The following PHACTR1 variants were observed in gnomAD, a reference collection of about 807,000 sequenced individuals.
The protein encoded by PHACTR1 is RPEL repeat containing 1.
PHACTR1 carries 16 observed loss-of-function variants against 69.2 expected under a neutral mutation model. That is an observed-to-expected ratio of 0.23 (90% CI 0.16 to 0.35). The LOEUF (loss-of-function observed/expected upper bound fraction) is 0.35, where lower values mean the gene tolerates loss of function less well. Ranked by LOEUF, PHACTR1 falls within the 10% of genes least tolerant of loss-of-function variation. PHACTR1 has a pLI of 1.00. For synonymous variants in PHACTR1, 312 were observed against 284.5 expected (o/e 1.10, Z -0.97); for missense variants, 510 against 734.7 (o/e 0.69, Z 3.54).
At chr6:13,022,759 T>C (rs912314701) in intron 4 of PHACTR1, among the ~76,000 whole-genome samples, 6 of 152,058 alleles carry the variant, frequency 3.9e-5, no homozygotes, top group Non-Finnish European at 8.8e-5. Context: ...GGCTCACACC[T>C]GTAATCCAGC....
Position 13,183,769 on chromosome 6 carries a change from A to G in PHACTR1, c.664+1083A>G, listed in dbSNP as rs529483050. ...TGAAAGCAGTGCTTTTTTAAAAAGA[A>G]TCCAGACTTCCTTGTGACACTGAAG... On this transcript the variant is annotated intron_variant, in intron 7 of 14. Transcript: ENST00000332995. Among the ~76,000 whole-genome samples the G allele has an allele frequency of 1.6e-4, 25 of 152,264 alleles. 1 individual carries two copies. In the South Asian group the frequency reaches 3.5e-3, roughly 21 times the overall value.
chr6:13,083,862 T>C (rs1811821168), intron 5 of PHACTR1, among the ~76,000 whole-genome samples: 3 of 152,126 alleles, frequency 2.0e-5, no homozygotes, highest in Admixed American at 1.3e-4. Context: ...TGATGGGGTT[T>C]TCTAAATATA....
intron 14 of PHACTR1, 124 bp downstream of exon 14, chr6:13,286,346 G>C: frequency 3.9e-6 from 3 of 764,286 alleles, no homozygotes; most frequent in South Asian, 4.2e-5. Flanking sequence ...GAAGATAGTA[G>C]GAAGGCAGGC....
rs534579486 is a variant in PHACTR1, at chr6:13,113,582, A to G, written c.416-46622A>G. 2.0e-5 allele frequency among the ~76,000 whole-genome samples: 3 copies of G among 152,344 alleles called. No homozygotes were observed. In the South Asian group the frequency reaches 6.2e-4, roughly 32 times the overall value. On this transcript the variant is annotated intron_variant, in intron 5 of 14. Transcript: ENST00000332995. Reference sequence around the variant, plus strand: ...TCATGATTAACAACCAATGCAGCAGAAGTAGTAAGGGAGATCCCTTATCTT... The same window carrying G: ...TCATGATTAACAACCAATGCAGCAGGAGTAGTAAGGGAGATCCCTTATCTT...
chr6:13,115,814 C>T (rs1013678639), intron 5 of PHACTR1, among the ~76,000 whole-genome samples: 29 of 152,120 alleles, frequency 1.9e-4, no homozygotes, highest in Non-Finnish European at 1.8e-4. Context: ...AACTGTCCAC[C>T]GCAGCTCCAG....
At chr6:12,756,942 G>A (rs1334418392) in intron 4 of PHACTR1, among the ~76,000 whole-genome samples, 3 of 152,180 alleles carry the variant, frequency 2.0e-5, no homozygotes, top group South Asian at 4.2e-4. Flanking sequence ...CGTTTTTTAG[G>A]CACTTGAGAT....
chr6:13,180,462 A>G (rs1368380670), intron 6 of PHACTR1, among the ~76,000 whole-genome samples: 1 of 152,194 alleles, frequency 6.6e-6, no homozygotes, highest in East Asian at 1.9e-4. Flanking sequence ...GAGAGAGTCT[A>G]GAGTCATCCA....
intron 4 of PHACTR1, among the ~76,000 whole-genome samples, chr6:13,030,816 C>G (rs574068022): frequency 6.6e-6 from 1 of 152,316 alleles, no homozygotes; most frequent in Admixed American, 6.5e-5. Context: ...GCAGAACTCA[C>G]TCAACTAGGT....
chr6:13,208,627 G>GC (rs138524215), intron 8 of PHACTR1, among the ~76,000 whole-genome samples: 7,286 of 140,766 alleles, frequency 0.052, 169 homozygotes, highest in Non-Finnish European at 0.071. Flanking sequence ...CGTCATTGCT[G>GC]CCCACCCCCC....
chr6:12,771,472 G>C (rs1342947371), intron 4 of PHACTR1, among the ~76,000 whole-genome samples: 1 of 152,110 alleles, frequency 6.6e-6, no homozygotes, highest in Non-Finnish European at 1.5e-5. Flanking sequence ...ACATGGATTG[G>C]GAACTCAGGA....
chr6:13,286,041 T>C (rs1311753661), intron 13 of PHACTR1, 105 bp from the exon 14 acceptor site: 1 of 903,990 alleles, frequency 1.1e-6, no homozygotes, highest in Non-Finnish European at 1.6e-6. Flanking sequence ...TTAAACTTGT[T>C]TGTCTTTGTT....
intron 5 of PHACTR1, among the ~76,000 whole-genome samples, chr6:13,124,061 A>T (rs1408320301): frequency 6.6e-6 from 1 of 152,212 alleles, no homozygotes; most frequent in Non-Finnish European, 1.5e-5. Context: ...CCCACTATCC[A>T]AAAGGCTGAG....
chr6:13,186,672 A>G (rs1156558093), intron 7 of PHACTR1, among the ~76,000 whole-genome samples: 1 of 152,224 alleles, frequency 6.6e-6, no homozygotes, highest in Non-Finnish European at 1.5e-5. Flanking sequence ...TACTGTACTA[A>G]GTATCAAAGT....
intron 6 of PHACTR1, among the ~76,000 whole-genome samples, chr6:13,168,101 C>T (rs6932796): frequency 0.061 from 9,235 of 152,116 alleles, 759 homozygotes; most frequent in African/African-American, 0.18. Context: ...CTGTTTCTGA[C>T]GTCTCACCTA....
At chr6:12,805,548 T>C (rs1409043520) in intron 4 of PHACTR1, among the ~76,000 whole-genome samples, 1 of 152,180 alleles carries the variant, frequency 6.6e-6, no homozygotes, top group African/African-American at 2.4e-5. Context: ...GACCTACTAA[T>C]TGTCAACTTG....
chr6:12,933,620 C>T (rs750462467), intron 4 of PHACTR1: 1 of 1,612,040 alleles, frequency 6.2e-7, no homozygotes, highest in Admixed American at 1.7e-5. Context: ...CTTCATGTTT[C>T]CACAATGTCC....
intron 4 of PHACTR1, among the ~76,000 whole-genome samples, chr6:12,804,359 A>G (rs1774053480): frequency 6.6e-6 from 1 of 152,110 alleles, no homozygotes; most frequent in African/African-American, 2.4e-5. Flanking sequence ...TTCTTCTCAT[A>G]TGTTCTTTCT....
intron 6 of PHACTR1, among the ~76,000 whole-genome samples, chr6:13,162,422 C>G (rs138992390): frequency 1.3e-5 from 2 of 152,028 alleles, no homozygotes; most frequent in Non-Finnish European, 2.9e-5. Flanking sequence ...CCACCGCGCC[C>G]GGCCCCTCCC....
intron 10 of PHACTR1, among the ~76,000 whole-genome samples, chr6:13,241,515 G>T (rs1772837574): frequency 6.6e-6 from 1 of 152,174 alleles, no homozygotes; most frequent in Admixed American, 6.5e-5. Flanking sequence ...AGAAATCAAA[G>T]ACTTTGGAGC....
Sources: allele counts gnomAD v4.1 joint callset (sites outside exome capture counted in the v4.1 genomes callset), GRCh38; gene constraint gnomAD v4.1.1; transcripts MANE v1.5; gene names NCBI Gene and HGNC (gene_info 2026-07-23, HGNC 2026-07-21).